The following MICU1 variants were observed in gnomAD, a reference collection of about 807,000 sequenced individuals.
The protein encoded by MICU1 is mitochondrial calcium uptake 1.
Under a neutral mutation model 56.8 loss-of-function variants are expected in MICU1, and 45 were observed. That is an observed-to-expected ratio of 0.79 (90% CI 0.62 to 1.02). The LOEUF (loss-of-function observed/expected upper bound fraction) is 1.02, where lower values mean the gene tolerates loss of function less well. Among genes scored for constraint, MICU1 ranks in the 50% least tolerant of loss-of-function variants. MICU1 has a pLI of 0.00. For missense variants in MICU1, 504 were observed against 587.1 expected (o/e 0.86, Z 1.46); for synonymous variants, 186 against 195.1 (o/e 0.95, Z 0.39).
At chr10:72,516,268 T>C (rs926613326) in intron 5 of MICU1, among the ~76,000 whole-genome samples, 13 of 152,170 alleles carry the variant, frequency 8.5e-5, no homozygotes, top group African/African-American at 3.1e-4. Flanking sequence ...ATCGTTCATC[T>C]ACTTTTTGTT....
intron 7 of MICU1, among the ~76,000 whole-genome samples, chr10:72,476,333 A>T (rs968362966): frequency 6.6e-5 from 10 of 151,488 alleles, no homozygotes. Flanking sequence ...TGCTCAGGTG[A>T]TCCTCCCACC....
chr10:72,601,934 G>A (rs1841548869), intron 1 of MICU1, among the ~76,000 whole-genome samples: 1 of 151,530 alleles, frequency 6.6e-6, no homozygotes, highest in African/African-American at 2.4e-5. Flanking sequence ...TGAGTAGATG[G>A]GACTACAGGA....
chr10:72,478,795 A>C (rs1866200042), intron 6 of MICU1, among the ~76,000 whole-genome samples: 1 of 152,042 alleles, frequency 6.6e-6, no homozygotes, highest in Admixed American at 6.6e-5. Flanking sequence ...TTGACTTCCA[A>C]TAGGTTTGCT....
chr10:72,475,058 G>T, intron 8 of MICU1, 42 bp downstream of exon 8: 1 of 1,546,758 alleles, frequency 6.5e-7, no homozygotes, highest in Non-Finnish European at 8.8e-7. Context: ...CTGCCCATCA[G>T]TTCCACATGT....
intron 8 of MICU1, among the ~76,000 whole-genome samples, chr10:72,431,321 G>T (rs528834918): frequency 6.8e-4 from 103 of 152,110 alleles, no homozygotes; most frequent in Admixed American, 2.7e-3. Flanking sequence ...GTAGAGACAG[G>T]GTTTCGCCAT....
At chr10:72,465,501 GTCTTTT>G (rs1178758234) in intron 8 of MICU1, among the ~76,000 whole-genome samples, 12 of 102,134 alleles carry the variant, frequency 1.2e-4, no homozygotes, top group African/African-American at 4.8e-4. Flanking sequence ...TTCTGTTCAG[GTCTTTT>G]TTTTTTTTTT....
intron 6 of MICU1, among the ~76,000 whole-genome samples, chr10:72,485,657 C>T (rs986510172): frequency 6.6e-6 from 1 of 151,138 alleles, no homozygotes; most frequent in Admixed American, 6.6e-5. Context: ...AGCTATTATA[C>T]CAAAATGGTT....
At chr10:72,567,438 A>G (rs926685433) in intron 1 of MICU1, among the ~76,000 whole-genome samples, 1 of 152,202 alleles carries the variant, frequency 6.6e-6, no homozygotes, top group South Asian at 2.1e-4. Context: ...GATCTGACAC[A>G]GAGCACCAAG....
chr10:72,402,424 A>G (rs1290558267), intron 10 of MICU1, among the ~76,000 whole-genome samples: 2 of 152,354 alleles, frequency 1.3e-5, no homozygotes, highest in East Asian at 3.9e-4. Context: ...ATTCTTGGTA[A>G]GCAAATTAGA....
intron 1 of MICU1, among the ~76,000 whole-genome samples, chr10:72,615,733 GTAA>G (rs1312222617): frequency 1.3e-5 from 2 of 152,062 alleles, no homozygotes; most frequent in Non-Finnish European, 2.9e-5. Context: ...CATCACGCCT[GTAA>G]TCCCAGCACT....
At chr10:72,561,525 A>T (rs1283055123) in intron 3 of MICU1, among the ~76,000 whole-genome samples, 3 of 152,256 alleles carry the variant, frequency 2.0e-5, no homozygotes, top group Non-Finnish European at 4.4e-5. Flanking sequence ...TAATAATTTC[A>T]TCTAGGCTGG....
chr10:72,595,570 T>C (rs1324002663), intron 1 of MICU1, among the ~76,000 whole-genome samples: 6 of 150,258 alleles, frequency 4.0e-5, no homozygotes, highest in Non-Finnish European at 8.8e-5. Context: ...TCTGGAAAAA[T>C]GGCTAACATA....
At chr10:72,391,751 A>C (rs1863079424) in intron 10 of MICU1, among the ~76,000 whole-genome samples, 1 of 152,226 alleles carries the variant, frequency 6.6e-6, no homozygotes, top group Non-Finnish European at 1.5e-5. Flanking sequence ...GACGTACCAA[A>C]AAAATTAGGA....
chr10:72,387,174 G>A (rs10823918), intron 10 of MICU1, among the ~76,000 whole-genome samples: 19 of 152,020 alleles, frequency 1.2e-4, no homozygotes, highest in South Asian at 1.0e-3. Context: ...AGTAAAAAGC[G>A]GATTTAGTTA....
intron 8 of MICU1, 100 bp from the exon 9 acceptor site, chr10:72,423,471 T>A: frequency 1.5e-6 from 2 of 1,347,990 alleles, no homozygotes; most frequent in Non-Finnish European, 2.0e-6. Context: ...AAATAGCTGA[T>A]GACTGGGACT....
chr10:72,500,302 A>ATAATTT (rs1867021751), intron 6 of MICU1, among the ~76,000 whole-genome samples: 1 of 10,680 alleles, frequency 9.4e-5, no homozygotes. Flanking sequence ...ATATATATAT[A>ATAATTT]TTTTTTTTTT....
intron 9 of MICU1, among the ~76,000 whole-genome samples, chr10:72,411,963 C>G (rs894413007): frequency 5.9e-5 from 9 of 152,174 alleles, no homozygotes; most frequent in Non-Finnish European, 1.5e-5. Flanking sequence ...CATCACTATA[C>G]TTTTATCACA....
chr10:72,562,147 C>CTTTTTTTTTTTTTTTTTTTT, intron 3 of MICU1, among the ~76,000 whole-genome samples: 1 of 82,650 alleles, frequency 1.2e-5, no homozygotes, highest in Non-Finnish European at 2.2e-5. Context: ...TACATAAAAT[C>CTTTTTTTTTTTTTTTTTTTT]TTTTTTTTTT....
At chr10:72,377,480 CA>C (rs1201672286) in intron 10 of MICU1, among the ~76,000 whole-genome samples, 2 of 152,114 alleles carry the variant, frequency 1.3e-5, no homozygotes, top group African/African-American at 4.8e-5. Flanking sequence ...TTTTAGACCT[CA>C]GCAAAAAATC....
Sources: gnomAD v4.1 joint callset for allele counts (sites outside exome capture counted in the v4.1 genomes callset) on GRCh38, gnomAD v4.1.1 for gene constraint, MANE v1.5 for transcripts, NCBI Gene and HGNC (gene_info 2026-07-23, HGNC 2026-07-21) for gene names.